GRIK2: variants seen among roughly 807,000 people sequenced by gnomAD.
GRIK2 encodes the protein glutamate receptor ionotropic, kainate 2.
GRIK2 carries 32 observed loss-of-function variants against 100.3 expected under a neutral mutation model. The ratio of observed to expected loss-of-function variants is 0.32; its 90% CI spans 0.24 to 0.43. The LOEUF (loss-of-function observed/expected upper bound fraction) is 0.43. Ranked by LOEUF, GRIK2 falls within the 20% of genes least tolerant of loss-of-function variation. The probability of loss-of-function intolerance (pLI) is 1.00; values close to 1 mark genes in which losing one functional copy is unlikely to be tolerated. For missense variants in GRIK2, 843 were observed against 1,114.9 expected (o/e 0.76, Z 3.47); for synonymous variants, 417 against 389.4 (o/e 1.07, Z -0.83).
intron 14 of GRIK2, among the ~76,000 whole-genome samples, chr6:102,022,503 T>C (rs1467164655): frequency 6.6e-6 from 1 of 151,592 alleles, no homozygotes; most frequent in Non-Finnish European, 1.5e-5. Context: ...TTCCAGCCCG[T>C]GTGGCAGAGT....
At chr6:101,987,831 A>T (rs1794105002) in intron 14 of GRIK2, among the ~76,000 whole-genome samples, 1 of 151,418 alleles carries the variant, frequency 6.6e-6, no homozygotes, top group Admixed American at 6.6e-5. Context: ...ACAGATTTAA[A>T]TTTTTTCATT....
chr6:101,541,728 G>A (rs925974804), intron 2 of GRIK2, among the ~76,000 whole-genome samples: 1 of 151,236 alleles, frequency 6.6e-6, no homozygotes, highest in Non-Finnish European at 1.5e-5. Context: ...AGATACGAGG[G>A]ATGCAATTTA....
chr6:101,692,860 A>G (rs1232369410), intron 7 of GRIK2, among the ~76,000 whole-genome samples: 2 of 152,128 alleles, frequency 1.3e-5, no homozygotes, highest in Admixed American at 6.6e-5. Flanking sequence ...TATATTTCAG[A>G]GTATGTAATG....
intron 7 of GRIK2, among the ~76,000 whole-genome samples, chr6:101,689,052 T>A (rs1419638929): frequency 6.6e-6 from 1 of 152,064 alleles, no homozygotes; most frequent in Non-Finnish European, 1.5e-5. Context: ...AAGTATTCTT[T>A]TTCTTTTCAA....
In GRIK2 at chr6:101,916,756, A is replaced by G. The variant is rs1225283455; in HGVS notation, c.1749-7845A>G. 2.6e-5 allele frequency among the ~76,000 whole-genome samples: 4 copies of G among 151,852 alleles called. No individual in the cohort carries two copies. The East Asian group carries it at 7.8e-4, about 29-fold the overall frequency. ...TTGTTACAGTTCAGAATGAGACAAT[A>G]TAGCTAAGTTTGTTTCATAATTGGC... On this transcript the variant is annotated intron_variant, in intron 12 of 16. Transcript: ENST00000369134.
chr6:101,725,936 G>A (rs1177832410), intron 7 of GRIK2, among the ~76,000 whole-genome samples: 2 of 151,886 alleles, frequency 1.3e-5, no homozygotes, highest in African/African-American at 4.8e-5. Flanking sequence ...ATTACATGAT[G>A]ATTGCATAAA....
At position 101,989,622 on chromosome 6, in the gene GRIK2, G is replaced by A. The variant is rs185183731; in HGVS notation, c.2086-45719G>A. 2.6e-4 allele frequency among the ~76,000 whole-genome samples: 39 copies of A among 151,646 alleles called. 1 individual carries two copies. In the East Asian group the frequency reaches 7.2e-3, roughly 28 times the overall value. The stretch of plus-strand genomic sequence containing the variant: ...AGAAAATTCAGTGACCTTAAGTAAT[G>A]ATTTATTTTATAAGAACTCACAGAC... On this transcript the variant is annotated intron_variant, in intron 14 of 16. Coordinates refer to ENST00000369134, the MANE Select transcript of GRIK2 (RefSeq NM_021956.5).
intron 11 of GRIK2, among the ~76,000 whole-genome samples, chr6:101,868,423 A>C (rs1025627516): frequency 2.0e-5 from 3 of 151,776 alleles, no homozygotes; most frequent in African/African-American, 7.3e-5. Flanking sequence ...TAAATAGTAA[A>C]TTTACAATGA....
chr6:101,955,613 T>C (rs866904056), intron 14 of GRIK2, among the ~76,000 whole-genome samples: 2 of 99,552 alleles, frequency 2.0e-5, no homozygotes, highest in Non-Finnish European at 4.3e-5. Flanking sequence ...TCTCTCTCTC[T>C]CTCCCCCCCA....
intron 2 of GRIK2, among the ~76,000 whole-genome samples, chr6:101,590,485 AC>A (rs1252062372): frequency 6.6e-6 from 1 of 151,752 alleles, no homozygotes; most frequent in Non-Finnish European, 1.5e-5. Context: ...TTTCTCTAGC[AC>A]CCCAGCAGTG....
intron 3 of GRIK2, among the ~76,000 whole-genome samples, chr6:101,624,030 AAAT>A (rs1304608007): frequency 1.3e-5 from 2 of 152,080 alleles, no homozygotes; most frequent in Non-Finnish European, 2.9e-5. Flanking sequence ...CAATGCAAGA[AAAT>A]AATAATAAAT....
At chr6:101,513,914 G>A (rs1774446838) in intron 2 of GRIK2, among the ~76,000 whole-genome samples, 1 of 151,968 alleles carries the variant, frequency 6.6e-6, no homozygotes, top group Admixed American at 6.6e-5. Flanking sequence ...GAAAGTGAAA[G>A]TTAGTACAAT....
At chr6:101,933,761 A>G (rs1790438877) in intron 14 of GRIK2, among the ~76,000 whole-genome samples, 1 of 151,942 alleles carries the variant, frequency 6.6e-6, no homozygotes, top group African/African-American at 2.4e-5. Flanking sequence ...ATTATGTGCA[A>G]AATTTTATTA....
rs1049074290 is a variant in GRIK2 at position 102,068,702 on chromosome 6, C to T, written c.*191C>T. ...GACTTGATTTACAAGCATCATGGAT[C>T]AACCAAGTTACACGGGGTTACACTG... On this transcript the variant is annotated 3_prime_UTR_variant, in exon 17 of 17. Coordinates refer to ENST00000369134, the MANE Select transcript of GRIK2 (RefSeq NM_021956.5). 3 of 546,974 alleles carry T rather than the reference C, an allele frequency of 5.5e-6. No individual in the cohort carries two copies. The African/African-American group carries it at 5.8e-5, about 11-fold the overall frequency. 33.9% of individuals were successfully genotyped at this position (546,974 alleles called of 1,614,324 possible).
At chr6:101,459,348 A>T (rs539905614) in intron 2 of GRIK2, among the ~76,000 whole-genome samples, 1 of 152,328 alleles carries the variant, frequency 6.6e-6, no homozygotes, top group South Asian at 2.1e-4. Context: ...ACAATTTCTG[A>T]TGTGAAGAAA....
At chr6:101,651,929 CTAAGA>C (rs1781815039) in intron 4 of GRIK2, among the ~76,000 whole-genome samples, 1 of 152,024 alleles carries the variant, frequency 6.6e-6, no homozygotes, top group Non-Finnish European at 1.5e-5. Flanking sequence ...GAAATGATCT[CTAAGA>C]TAAGAAGAAA....
At chr6:101,497,157 G>A (rs925389484) in intron 2 of GRIK2, among the ~76,000 whole-genome samples, 1 of 151,924 alleles carries the variant, frequency 6.6e-6, no homozygotes, top group African/African-American at 2.4e-5. Context: ...CCAATTTAAG[G>A]ACACTACCCC....
intron 2 of GRIK2, among the ~76,000 whole-genome samples, chr6:101,437,657 A>G (rs192690257): frequency 2.0e-4 from 31 of 152,266 alleles, no homozygotes; most frequent in African/African-American, 7.2e-4. Flanking sequence ...ATTCACTTAC[A>G]GTACATACAG....
At chr6:101,608,398 T>G (rs2128312397) in intron 2 of GRIK2, among the ~76,000 whole-genome samples, 1 of 152,078 alleles carries the variant, frequency 6.6e-6, no homozygotes, top group African/African-American at 2.4e-5. Context: ...TTGTATTTCA[T>G]AATTAAAAAT....
Sources: allele counts gnomAD v4.1 joint callset (sites outside exome capture counted in the v4.1 genomes callset), GRCh38; gene constraint gnomAD v4.1.1; transcripts MANE v1.5; gene names NCBI Gene and HGNC (gene_info 2026-07-23, HGNC 2026-07-21).